The following ARID5B variants were observed in gnomAD, a reference collection of about 807,000 sequenced individuals.
ARID5B encodes AT-rich interactive domain-containing protein 5B.
A neutral mutation model predicts 97.2 loss-of-function variants in ARID5B; 13 were observed. That is an observed-to-expected ratio of 0.13 (90% CI 0.09 to 0.21). The LOEUF is 0.21. Among genes scored for constraint, ARID5B ranks in the 10% least tolerant of loss-of-function variants. The pLI, the probability that ARID5B is intolerant of heterozygous loss-of-function variation, is 1.00. For missense variants in ARID5B, 1,210 were observed against 1,465.3 expected, an observed-to-expected ratio of 0.83 and a Z score of 2.84; for synonymous variants, 556 against 570.3, an observed-to-expected ratio of 0.97 and a Z score of 0.36.
intron 7 of ARID5B, among the ~76,000 whole-genome samples, chr10:62,066,061 C>G (rs911818799): frequency 1.3e-5 from 2 of 152,046 alleles, no homozygotes; most frequent in African/African-American, 4.8e-5. Flanking sequence ...GGTTTTATTC[C>G]AGATGGAATT....
At chr10:61,969,775 A>C (rs1235021829) in intron 3 of ARID5B, among the ~76,000 whole-genome samples, 1 of 151,882 alleles carries the variant, frequency 6.6e-6, no homozygotes, top group African/African-American at 2.4e-5. Context: ...CATTTTCCTC[A>C]CTCAGTCTAC....
intron 4 of ARID5B, among the ~76,000 whole-genome samples, chr10:62,036,376 C>T (rs889235140): frequency 8.4e-6 from 1 of 119,388 alleles, no homozygotes; most frequent in Non-Finnish European, 1.8e-5. Context: ...CAGGAGGGCT[C>T]CTTTGTTTTT....
intron 6 of ARID5B, among the ~76,000 whole-genome samples, 186 bp from the exon 7 acceptor site, chr10:62,059,057 G>A (rs72835107): frequency 3.3e-4 from 50 of 152,232 alleles, no homozygotes; most frequent in Non-Finnish European, 6.3e-4. Flanking sequence ...AATGTTTTAA[G>A]TGGTAATAAT....
At chr10:61,920,145 A>G (rs1009285156) in intron 2 of ARID5B, among the ~76,000 whole-genome samples, 1 of 151,970 alleles carries the variant, frequency 6.6e-6, no homozygotes, top group Admixed American at 6.6e-5. Flanking sequence ...CTTAATCTTT[A>G]CAGGCTTTTT....
chr10:62,031,499 G>A (rs1173058853), intron 4 of ARID5B, among the ~76,000 whole-genome samples: 1 of 152,174 alleles, frequency 6.6e-6, no homozygotes, highest in Non-Finnish European at 1.5e-5. Context: ...GCAGCTTTTG[G>A]ACTGAGACCA....
chr10:61,937,928 T>G (rs1314251216), intron 2 of ARID5B, among the ~76,000 whole-genome samples: 1 of 152,194 alleles, frequency 6.6e-6, no homozygotes, highest in Non-Finnish European at 1.5e-5. Context: ...TCAGATTTCC[T>G]TCTATGGCAT....
At chr10:62,008,807 C>G (rs1157375383) in intron 4 of ARID5B, among the ~76,000 whole-genome samples, 4 of 152,198 alleles carry the variant, frequency 2.6e-5, no homozygotes, top group Non-Finnish European at 1.5e-5. Flanking sequence ...GTGAACTGCT[C>G]TGTGTTCTCA....
intron 8 of ARID5B, among the ~76,000 whole-genome samples, chr10:62,080,643 A>AT (rs1840200010): frequency 6.6e-6 from 1 of 152,206 alleles, no homozygotes; most frequent in African/African-American, 2.4e-5. Flanking sequence ...TTATATTTTA[A>AT]TTTCTGGCTG....
At chr10:61,946,003 T>C (rs1478687109) in intron 3 of ARID5B, among the ~76,000 whole-genome samples, 1 of 148,290 alleles carries the variant, frequency 6.7e-6, no homozygotes, top group Admixed American at 6.8e-5. Context: ...ATTATTTTAA[T>C]ATATATTTAT....
rs1838260412 is a variant in ARID5B at position 61,947,849 on chromosome 10, G to T, written c.502+7441G>T. On this transcript the variant is annotated intron_variant, in intron 3 of 9. Coordinates refer to ENST00000279873, the MANE Select transcript of ARID5B (RefSeq NM_032199.3). ...TCAACAGCTGGTCGTTGATAATGCT[G>T]CCCAGGTACTTGTACTGCCATCACT... 4.6e-5 allele frequency among the ~76,000 whole-genome samples: 7 copies of T among 152,296 alleles called. 1 individual carries two copies. Among genetic ancestry groups the T allele is most frequent in the Admixed American group, 4.6e-4 (7 of 15,296 alleles).
At chr10:62,021,873 C>A (rs183403536) in intron 4 of ARID5B, among the ~76,000 whole-genome samples, 1 of 152,118 alleles carries the variant, frequency 6.6e-6, no homozygotes, top group Non-Finnish European at 1.5e-5. Context: ...AGTGCCATCA[C>A]CACAATCATA....
intron 3 of ARID5B, among the ~76,000 whole-genome samples, chr10:61,947,261 CTTT>C (rs199587188): frequency 3.2e-5 from 4 of 124,266 alleles, no homozygotes; most frequent in Non-Finnish European, 5.0e-5. Context: ...CACTTACTTT[CTTT>C]TTTTTTTTTT....
At chr10:62,076,353 C>T (rs953796703) in intron 8 of ARID5B, among the ~76,000 whole-genome samples, 7 of 151,972 alleles carry the variant, frequency 4.6e-5, no homozygotes, top group African/African-American at 1.7e-4. Flanking sequence ...CCAGCCTGGC[C>T]AACATGGTAA....
In ARID5B at chr10:61,962,767, A is replaced by T. The variant is rs777290195; in HGVS notation, c.502+22359A>T. Reference sequence around the variant, plus strand: ...TGGACTAGAATAAATTTTCCCATATATGAGCAGTACCTTCATCCATCGACT... The same window carrying T: ...TGGACTAGAATAAATTTTCCCATATTTGAGCAGTACCTTCATCCATCGACT... On this transcript the variant is annotated intron_variant, in intron 3 of 9. Transcript: ENST00000279873. 1.4e-4 allele frequency among the ~76,000 whole-genome samples: 22 copies of T among 152,242 alleles called. 1 individual carries two copies. The highest frequency in any genetic ancestry group is 2.2e-4 in the Non-Finnish European group (15 of 68,036).
Position 62,090,891 on chromosome 10 carries a change from G to A in ARID5B, c.1428G>A (p.Glu476=), listed in dbSNP as rs1840358993. The A allele has an allele frequency of 6.3e-7, 1 of 1,592,000 alleles. No homozygotes were observed. Among genetic ancestry groups the A allele is most frequent in the Non-Finnish European group, 8.5e-7 (1 of 1,174,162 alleles). ...EVSSEQEKEQ[E]TLISQKSIPE... ...CATCAGAGCAAGAAAAAGAACAAGAGACTTTAATAAGCCAGAAAAGCATCC... is the reference window on the plus strand; with the variant it reads ...CATCAGAGCAAGAAAAAGAACAAGAAACTTTAATAAGCCAGAAAAGCATCC... Residue 476 remains glutamate (E), a synonymous_variant, in exon 10 of 10, where the codon GAG becomes GAA. Transcript: ENST00000279873.
intron 9 of ARID5B, among the ~76,000 whole-genome samples, chr10:62,089,637 C>T (rs1840341842): frequency 6.6e-6 from 1 of 151,556 alleles, no homozygotes; most frequent in African/African-American, 2.4e-5. Context: ...AAGCGATTCT[C>T]CTGCCTCAGC....
chr10:61,938,562 T>A (rs1360675511), intron 2 of ARID5B, among the ~76,000 whole-genome samples: 1 of 152,152 alleles, frequency 6.6e-6, no homozygotes, highest in East Asian at 1.9e-4. Flanking sequence ...CAACTACAGA[T>A]CTTTTATTTC....
intron 4 of ARID5B, among the ~76,000 whole-genome samples, chr10:62,001,518 A>G (rs994910368): frequency 5.3e-5 from 8 of 152,190 alleles, no homozygotes; most frequent in South Asian, 2.1e-4. Context: ...AGACCTTGGT[A>G]TGGTTTCAGG....
rs1239024946 is a variant in ARID5B at position 62,049,618 on chromosome 10, G to C, written c.734-1270G>C. ...AGAGGAGAGAGCGGGTGTGGGAAGG[G>C]GATCCTAAGCCCTAAAGCCTCTTTT... On this transcript the variant is annotated intron_variant, in intron 4 of 9. Coordinates refer to ENST00000279873, the MANE Select transcript of ARID5B (RefSeq NM_032199.3). 4.0e-6 allele frequency: 5 copies of C among 1,256,254 alleles called. No individual in the cohort carries two copies. The East Asian group carries it at 1.3e-4, about 32-fold the overall frequency. 77.8% of individuals were successfully genotyped at this position (1,256,254 alleles called of 1,614,324 possible).
Sources: allele counts gnomAD v4.1 joint callset (sites outside exome capture counted in the v4.1 genomes callset), GRCh38; gene constraint gnomAD v4.1.1; transcripts MANE v1.5; gene names NCBI Gene and HGNC (gene_info 2026-07-23, HGNC 2026-07-21).